Variants in PPP1R13B observed in about 807,000 individuals in gnomAD.
PPP1R13B encodes protein phosphatase 1 regulatory subunit 13B.
Under a neutral mutation model 119.8 loss-of-function variants are expected in PPP1R13B, and 44 were observed. The ratio of observed to expected loss-of-function variants is 0.37; its 90% CI spans 0.29 to 0.47. The LOEUF is 0.47. PPP1R13B is among the 20% of genes least tolerant of loss of function. The pLI, the probability that PPP1R13B is intolerant of heterozygous loss-of-function variation, is 0.99. For synonymous variants in PPP1R13B, 542 were observed against 561.5 expected (o/e 0.97, Z 0.49); for missense variants, 1,227 against 1,413.5 (o/e 0.87, Z 2.12).
chr14:103,796,980 AAC>A (rs945191053), intron 2 of PPP1R13B, among the ~76,000 whole-genome samples: 1 of 151,632 alleles, frequency 6.6e-6, no homozygotes, highest in Non-Finnish European at 1.5e-5. Context: ...CAAAAACAAA[AAC>A]AGTTTGTACA....
chr14:103,752,534 CTT>C (rs35277937), intron 7 of PPP1R13B, among the ~76,000 whole-genome samples: 13 of 126,238 alleles, frequency 1.0e-4, no homozygotes, highest in Admixed American at 1.7e-4. Flanking sequence ...GAATTAGATC[CTT>C]TTTTTTTTTT....
In PPP1R13B at chr14:103,734,777, A is replaced by G. The variant is rs2084049021; in HGVS notation, c.*377T>C. The G allele has an allele frequency of 6.5e-6, 3 of 464,488 alleles. No individual in the cohort carries two copies. Among genetic ancestry groups the G allele is most frequent in the South Asian group, 4.8e-5 (3 of 62,730 alleles). The allele number at this position is 464,488 out of a possible 1,614,324, so 28.8% of individuals were successfully genotyped here. A position where few individuals can be genotyped will look rare whatever the true frequency, so the allele number is the denominator to read the frequency against. On this transcript the variant is annotated 3_prime_UTR_variant, in exon 17 of 17. Coordinates refer to ENST00000202556, the MANE Select transcript of PPP1R13B (RefSeq NM_015316.3). ...AGGGGAGCAGGCCTCACAGCGGCGGACAGTGTTCACTGCTGGAGGGGGTGA... is the reference window on the plus strand; with the variant it reads ...AGGGGAGCAGGCCTCACAGCGGCGGGCAGTGTTCACTGCTGGAGGGGGTGA...
Position 103,753,154 on chromosome 14 carries a change from T to C in PPP1R13B, c.674A>G (p.Lys225Arg), listed in dbSNP as rs1198035890. ...ERFSAMFQEKKQEVQTAILRV... is the reference protein window; with the variant it reads ...ERFSAMFQEKRQEVQTAILRV... The stretch of plus-strand genomic sequence containing the variant: ...TAAAATTGCAGTCTGTACTTCCTGC[T>C]TCTTTTCCTGGAACATGGCACTGAA... Residue 225 changes from lysine to arginine, a missense_variant, in exon 7 of 17, where the codon AAG (lysine) becomes AGG (arginine). By Grantham distance (26) the Lys-to-Arg change is conservative. Transcript: ENST00000202556. 1.9e-6 allele frequency: 3 copies of C among 1,613,188 alleles called. No individual in the cohort carries two copies. Among genetic ancestry groups the C allele is most frequent in the African/African-American group, 1.3e-5 (1 of 74,916 alleles).
intron 1 of PPP1R13B, among the ~76,000 whole-genome samples, chr14:103,807,893 C>T (rs745765598): frequency 1.3e-5 from 2 of 151,958 alleles, no homozygotes; most frequent in African/African-American, 2.4e-5. Flanking sequence ...AATATTTTAC[C>T]CCTCTAATCA....
At chr14:103,794,321 G>GC (rs1420023610) in intron 2 of PPP1R13B, among the ~76,000 whole-genome samples, 3 of 109,316 alleles carry the variant, frequency 2.7e-5, no homozygotes, top group Non-Finnish European at 5.2e-5. Flanking sequence ...GCAGTAATTT[G>GC]TTTTTTGTTT....
intron 2 of PPP1R13B, chr14:103,794,650 G>C (rs1434500165): frequency 4.5e-6 from 2 of 447,386 alleles, no homozygotes; most frequent in Non-Finnish European, 8.9e-6. Context: ...TTTTATGTGA[G>C]GGTTCTCTGA....
intron 1 of PPP1R13B, among the ~76,000 whole-genome samples, chr14:103,821,478 A>G (rs941621921): frequency 3.3e-5 from 5 of 152,214 alleles, no homozygotes; most frequent in African/African-American, 1.2e-4. Context: ...AGCACTGGGC[A>G]CAGTGGCTCA....
chr14:103,800,584 G>A (rs989864050), intron 1 of PPP1R13B, among the ~76,000 whole-genome samples: 1 of 151,158 alleles, frequency 6.6e-6, no homozygotes, highest in African/African-American at 2.4e-5. Flanking sequence ...AACCCCGGGG[G>A]GCAGAGGTTG....
At position 103,734,443 on chromosome 14, in the gene PPP1R13B, C is replaced by T. The variant is rs553295277; in HGVS notation, c.*711G>A. 17 of 443,748 alleles carry T rather than the reference C, an allele frequency of 3.8e-5. No individual in the cohort carries two copies. The highest frequency in any genetic ancestry group is 1.6e-4 in the African/African-American group (8 of 49,988). The allele number at this position is 443,748 out of a possible 1,614,324, so 27.5% of individuals were successfully genotyped here. A position where few individuals can be genotyped will look rare whatever the true frequency, so the allele number is the denominator to read the frequency against. On this transcript the variant is annotated 3_prime_UTR_variant, in exon 17 of 17. Transcript: ENST00000202556. The stretch of plus-strand genomic sequence containing the variant: ...TGAGCAGCATGACAGGCTGTGAGAT[C>T]GGAGGAGAAGAGTATATGCTGAGGC...
intron 4 of PPP1R13B, among the ~76,000 whole-genome samples, chr14:103,758,317 T>C (rs1165677738): frequency 6.6e-6 from 1 of 152,234 alleles, no homozygotes; most frequent in Non-Finnish European, 1.5e-5. Context: ...TGTTTCTCCA[T>C]TCTCCAATCT....
chr14:103,778,576 T>C (rs2085265679), intron 4 of PPP1R13B, 169 bp downstream of exon 4: 1 of 601,804 alleles, frequency 1.7e-6, no homozygotes, highest in Non-Finnish European at 3.0e-6. Context: ...ATTAATTTTT[T>C]AAAACCTTTT....
Position 103,847,451 on chromosome 14 carries a change from C to T in PPP1R13B, c.-144G>A. The stretch of plus-strand genomic sequence containing the variant: ...GGCCGCGGCGAGGCGGCAGCTGCGG[C>T]GGGCTGCGGGGCTCTCGCTGGCCCT... On this transcript the variant is annotated 5_prime_UTR_variant, in exon 1 of 17. Coordinates refer to ENST00000202556, the MANE Select transcript of PPP1R13B (RefSeq NM_015316.3). 4 of 1,000,828 alleles carry T rather than the reference C, an allele frequency of 4.0e-6. No individual in the cohort carries two copies. Among genetic ancestry groups the T allele is most frequent in the Middle Eastern group, 5.0e-4 (1 of 1,988 alleles). The allele number at this position is 1,000,828 out of a possible 1,614,324, so 62.0% of individuals were successfully genotyped here.
intron 15 of PPP1R13B, chr14:103,736,852 A>C (rs2084126881): frequency 1.3e-5 from 2 of 153,692 alleles, no homozygotes; most frequent in Admixed American, 6.5e-5. Context: ...GTTTTCATGG[A>C]TAATTTCAAA....
At chr14:103,775,124 CTTTCCT>C (rs2085156427) in intron 4 of PPP1R13B, among the ~76,000 whole-genome samples, 2 of 152,120 alleles carry the variant, frequency 1.3e-5, no homozygotes, top group African/African-American at 2.4e-5. Flanking sequence ...ATTTGGAATG[CTTTCCT>C]TTTGAGTCTC....
At chr14:103,818,403 C>T in intron 1 of PPP1R13B, 1 of 801,086 alleles carries the variant, frequency 1.2e-6, no homozygotes, top group Admixed American at 6.2e-5. Context: ...TTTCTATGAC[C>T]ATAATTTCTA....
chr14:103,839,643 AT>A (rs1595847935), intron 1 of PPP1R13B, among the ~76,000 whole-genome samples: 1 of 150,928 alleles, frequency 6.6e-6, no homozygotes, highest in Non-Finnish European at 1.5e-5. Flanking sequence ...AAAAAAAAAA[AT>A]CTTTCTATCT....
At chr14:103,822,174 G>A (rs907198111) in intron 1 of PPP1R13B, among the ~76,000 whole-genome samples, 7 of 151,346 alleles carry the variant, frequency 4.6e-5, no homozygotes, top group African/African-American at 1.5e-4. Context: ...TGCTCTTGTC[G>A]CCCAGGCTGG....
chr14:103,755,185 A>T (rs2151983540), intron 5 of PPP1R13B, among the ~76,000 whole-genome samples: 1 of 152,342 alleles, frequency 6.6e-6, no homozygotes, highest in South Asian at 2.1e-4. Flanking sequence ...TCTTCACTCT[A>T]TCACATCCGT....
At chr14:103,824,688 C>T (rs2086495527) in intron 1 of PPP1R13B, among the ~76,000 whole-genome samples, 1 of 149,988 alleles carries the variant, frequency 6.7e-6, no homozygotes, top group Non-Finnish European at 1.5e-5. Context: ...GAGCGAGACT[C>T]CGCCTCAAAA....
Sources: allele counts gnomAD v4.1 joint callset (sites outside exome capture counted in the v4.1 genomes callset), GRCh38; gene constraint gnomAD v4.1.1; transcripts MANE v1.5; gene names NCBI Gene and HGNC (gene_info 2026-07-23, HGNC 2026-07-21).